TPRG1: variants seen among roughly 807,000 people sequenced by gnomAD.
TPRG1 encodes tumor protein p63-regulated gene 1 protein.
TPRG1 carries 29 observed loss-of-function variants against 29.3 expected under a neutral mutation model. That is an observed-to-expected ratio of 0.99 (90% CI 0.74 to 1.35). The LOEUF (loss-of-function observed/expected upper bound fraction) is 1.35, where lower values mean the gene tolerates loss of function less well. Ranked by LOEUF, TPRG1 falls within the 40% of genes most tolerant of loss-of-function variation. The pLI, the probability that TPRG1 is intolerant of heterozygous loss-of-function variation, is 0.00. For synonymous variants in TPRG1, 130 were observed against 116.8 expected, an observed-to-expected ratio of 1.11 and a Z score of -0.73; for missense variants, 327 against 335.0, an observed-to-expected ratio of 0.98 and a Z score of 0.19.
At chr3:189,264,837 G>A (rs1039361445) in intron 4 of TPRG1, among the ~76,000 whole-genome samples, 1 of 152,054 alleles carries the variant, frequency 6.6e-6, no homozygotes, top group East Asian at 1.9e-4. Context: ...AAATCCCACA[G>A]TATTTTTCTT....
At chr3:189,026,973 T>C (rs1027786080) in intron 4 of TPRG1, among the ~76,000 whole-genome samples, 1 of 152,230 alleles carries the variant, frequency 6.6e-6, no homozygotes, top group African/African-American at 2.4e-5. Context: ...AAAAATGTCT[T>C]TATTTTTCTG....
chr3:189,228,478 T>C (rs1448123228), intron 3 of TPRG1, among the ~76,000 whole-genome samples: 2 of 152,074 alleles, frequency 1.3e-5, no homozygotes, highest in Non-Finnish European at 1.5e-5. Flanking sequence ...ATTTGGAAAA[T>C]TAATCAATAT....
At chr3:189,141,672 T>A (rs1724581784) in intron 3 of TPRG1, among the ~76,000 whole-genome samples, 1 of 152,212 alleles carries the variant, frequency 6.6e-6, no homozygotes, top group Non-Finnish European at 1.5e-5. Flanking sequence ...TCATCAAATA[T>A]TTTATTGAGC....
intron 4 of TPRG1, among the ~76,000 whole-genome samples, chr3:189,091,279 A>G (rs1718320686): frequency 6.6e-6 from 1 of 152,102 alleles, no homozygotes; most frequent in Non-Finnish European, 1.5e-5. Flanking sequence ...GTTACTTTGT[A>G]TATGTGACAG....
intron 1 of TPRG1, among the ~76,000 whole-genome samples, chr3:188,998,624 T>A (rs1711900353): frequency 6.6e-6 from 1 of 152,208 alleles, no homozygotes; most frequent in African/African-American, 2.4e-5. Flanking sequence ...ACATACACAG[T>A]GGAATACTAT....
chr3:189,312,999 G>A (rs775195228), intron 5 of TPRG1: 1 of 151,650 alleles, frequency 6.6e-6, no homozygotes, highest in Non-Finnish European at 1.5e-5. Flanking sequence ...TCTGTTAAGT[G>A]TATTTCCTTT....
At chr3:189,235,910 G>A (rs1029342554) in intron 3 of TPRG1, among the ~76,000 whole-genome samples, 7 of 152,176 alleles carry the variant, frequency 4.6e-5, no homozygotes, top group Non-Finnish European at 7.4e-5. Context: ...GAAGATTAAA[G>A]GACAATGTTG....
intron 4 of TPRG1, among the ~76,000 whole-genome samples, chr3:189,268,750 T>A (rs1017832212): frequency 4.6e-5 from 7 of 152,184 alleles, no homozygotes; most frequent in Non-Finnish European, 8.8e-5. Context: ...GAAACGCAGA[T>A]GGAATGTATG....
At chr3:189,101,399 T>G (rs1422481569) in intron 1 of TPRG1, among the ~76,000 whole-genome samples, 1 of 150,040 alleles carries the variant, frequency 6.7e-6, no homozygotes, top group Non-Finnish European at 1.5e-5. Flanking sequence ...AATTCAACAT[T>G]TATCTTAAAA....
chr3:189,082,546 T>A (rs1717662257), intron 4 of TPRG1, among the ~76,000 whole-genome samples: 1 of 152,192 alleles, frequency 6.6e-6, no homozygotes, highest in Non-Finnish European at 1.5e-5. Flanking sequence ...ACATGCCTGT[T>A]AATGGAGTCC....
chr3:189,025,700 T>G (rs906354035), intron 4 of TPRG1, among the ~76,000 whole-genome samples: 11 of 152,214 alleles, frequency 7.2e-5, no homozygotes, highest in African/African-American at 2.7e-4. Flanking sequence ...TTGCTGACAC[T>G]GAGAGGAAAG....
At chr3:189,139,975 A>G (rs1053674693) in intron 3 of TPRG1, among the ~76,000 whole-genome samples, 5 of 152,206 alleles carry the variant, frequency 3.3e-5, no homozygotes, top group South Asian at 2.1e-4. Flanking sequence ...TGGCTCTTCT[A>G]TTGGATCTTG....
intron 3 of TPRG1, among the ~76,000 whole-genome samples, chr3:189,233,166 ATGTG>A (rs59388844): frequency 0.18 from 27,446 of 148,794 alleles, 2,628 homozygotes; most frequent in African/African-American, 0.23. Flanking sequence ...CTGAGTGTGT[ATGTG>A]TGTGTGTGTG....
At chr3:189,184,342 C>G (rs1232450341) in intron 1 of TPRG1, among the ~76,000 whole-genome samples, 2 of 152,160 alleles carry the variant, frequency 1.3e-5, no homozygotes, top group Non-Finnish European at 2.9e-5. Context: ...AGTATTGCCA[C>G]CATTGTCAAT....
At chr3:189,042,084 G>C (rs1167199218) in intron 4 of TPRG1, among the ~76,000 whole-genome samples, 1 of 151,912 alleles carries the variant, frequency 6.6e-6, no homozygotes, top group Non-Finnish European at 1.5e-5. Context: ...GATGGGAATT[G>C]ACCTATCTTC....
At chr3:189,020,329 G>A (rs1713226501) in intron 3 of TPRG1, among the ~76,000 whole-genome samples, 1 of 151,630 alleles carries the variant, frequency 6.6e-6, no homozygotes, top group South Asian at 2.1e-4. Flanking sequence ...ATGTTAGGGT[G>A]TCAATTTTGG....
At chr3:189,097,906 G>A (rs1718792198), upstream of TPRG1, among the ~76,000 whole-genome samples, 1 of 152,210 alleles carries the variant, frequency 6.6e-6, no homozygotes, top group South Asian at 2.1e-4. Flanking sequence ...ATTGGTTTCT[G>A]TGTTTTCCCC....
chr3:189,176,964 T>C (rs771510785), intron 1 of TPRG1, among the ~76,000 whole-genome samples: 45 of 152,208 alleles, frequency 3.0e-4, no homozygotes, highest in Non-Finnish European at 1.3e-4. Flanking sequence ...GTCTGACTTA[T>C]GTTTGAAAGG....
At chr3:189,107,153 AC>A in intron 1 of TPRG1, among the ~76,000 whole-genome samples, 1 of 152,142 alleles carries the variant, frequency 6.6e-6, no homozygotes, top group African/African-American at 2.4e-5. Context: ...TTTCCCATTT[AC>A]CTCCTGCAAT....
Sources: allele counts gnomAD v4.1 joint callset (sites outside exome capture counted in the v4.1 genomes callset), GRCh38; gene constraint gnomAD v4.1.1; transcripts MANE v1.5; gene names NCBI Gene and HGNC (gene_info 2026-07-23, HGNC 2026-07-21).